Variants in CACNA1C observed in about 807,000 individuals in gnomAD.
CACNA1C encodes voltage-dependent L-type calcium channel subunit alpha-1C.
A neutral mutation model predicts 229.0 loss-of-function variants in CACNA1C; 30 were observed. The observed-to-expected ratio is 0.13, with a 90% CI of 0.10 to 0.18. The LOEUF is 0.18. Ranked by LOEUF, CACNA1C falls within the 10% of genes least tolerant of loss-of-function variation. The pLI, the probability that CACNA1C is intolerant of heterozygous loss-of-function variation, is 1.00. For missense variants in CACNA1C, 1,658 were observed against 2,845.0 expected (o/e 0.58, Z 9.49); for synonymous variants, 1,114 against 1,132.5 (o/e 0.98, Z 0.33).
At chr12:2,238,137 C>T (rs1236731036) in intron 3 of CACNA1C, among the ~76,000 whole-genome samples, 1 of 152,184 alleles carries the variant, frequency 6.6e-6, no homozygotes, top group Non-Finnish European at 1.5e-5. Flanking sequence ...AAGGCTTCTA[C>T]ACAGGAGCCT....
chr12:2,541,233 A>G (rs1022609472), intron 9 of CACNA1C, among the ~76,000 whole-genome samples: 32 of 152,216 alleles, frequency 2.1e-4, no homozygotes, highest in African/African-American at 7.5e-4. Context: ...CCGAGGGGAT[A>G]TAACTCAACT....
At chr12:2,378,320 T>C (rs1348363871) in intron 3 of CACNA1C, among the ~76,000 whole-genome samples, 1 of 152,166 alleles carries the variant, frequency 6.6e-6, no homozygotes, top group Non-Finnish European at 1.5e-5. Flanking sequence ...GGCCTCTGCA[T>C]GTGGATGGGT....
At chr12:2,559,097 T>C (rs1174454914) in intron 11 of CACNA1C, among the ~76,000 whole-genome samples, 2 of 152,144 alleles carry the variant, frequency 1.3e-5, no homozygotes, top group Admixed American at 6.5e-5. Flanking sequence ...AGTAAGACAA[T>C]AGACTTGACA....
chr12:2,481,103 G>A (rs1371772560), intron 5 of CACNA1C, among the ~76,000 whole-genome samples: 2 of 152,194 alleles, frequency 1.3e-5, no homozygotes, highest in African/African-American at 4.8e-5. Context: ...TGCTCATAAA[G>A]GCATTTTCAT....
Position 2,348,546 on chromosome 12 carries a change from G to A in CACNA1C, c.478-100430G>A, listed in dbSNP as rs2097116315. Among the ~76,000 whole-genome samples, 1 of 152,228 alleles carries A rather than the reference G, an allele frequency of 6.6e-6. No individual in the cohort carries two copies. Among genetic ancestry groups the A allele is most frequent in the Non-Finnish European group, 1.5e-5 (1 of 68,046 alleles). ...GGGAATGGGCTCATACGCCGGGTGG[G>A]CAAGGATTTCAAGTCGTCGGCACAA... On this transcript the variant is annotated intron_variant, in intron 3 of 46. Transcript: ENST00000399655. This position sits in a 1 kb window ranked among gnomAD's most constrained non-coding sequence, Gnocchi z 4.7.
chr12:2,416,385 G>A (rs568307278), intron 3 of CACNA1C, among the ~76,000 whole-genome samples: 13 of 152,228 alleles, frequency 8.5e-5, no homozygotes, highest in Non-Finnish European at 1.3e-4. Context: ...AGGGAAGGAA[G>A]GAGGGAGGAA....
Position 2,275,971 on chromosome 12 carries a change from A to G in CACNA1C, c.477+155541A>G, listed in dbSNP as rs551148731. Reference sequence around the variant, plus strand: ...GGACCCCTCTCAGATACAAAACCCAAGGATGCCCATGTCCTTTTATGTATG... The same window carrying G: ...GGACCCCTCTCAGATACAAAACCCAGGGATGCCCATGTCCTTTTATGTATG... On this transcript the variant is annotated intron_variant, in intron 3 of 46. Transcript: ENST00000399655. This position sits in a 1 kb window ranked among gnomAD's most constrained non-coding sequence, Gnocchi z 4.1. Among the ~76,000 whole-genome samples the G allele has an allele frequency of 6.6e-6, 1 of 152,354 alleles. No individual in the cohort carries two copies. Among genetic ancestry groups the G allele is most frequent in the South Asian group, 2.1e-4 (1 of 4,826 alleles).
intron 1 of CACNA1C, among the ~76,000 whole-genome samples, chr12:2,031,106 T>C (rs2048143778): frequency 6.6e-6 from 1 of 152,094 alleles, no homozygotes; most frequent in Non-Finnish European, 1.5e-5. Flanking sequence ...TTGCTGACAA[T>C]AGATTTTGTT....
At chr12:2,478,194 A>G (rs796988237) in intron 5 of CACNA1C, among the ~76,000 whole-genome samples, 70 of 152,270 alleles carry the variant, frequency 4.6e-4, no homozygotes, top group African/African-American at 1.6e-3. Context: ...AGGTGAAGAT[A>G]GTCTCTCCCT....
intron 5 of CACNA1C, among the ~76,000 whole-genome samples, chr12:2,471,551 C>T (rs905393812): frequency 6.6e-6 from 1 of 152,136 alleles, no homozygotes; most frequent in African/African-American, 2.4e-5. Flanking sequence ...CTGAACATGT[C>T]TTTTGCCATC....
At chr12:2,636,521 T>C (rs1302535533) in intron 30 of CACNA1C, among the ~76,000 whole-genome samples, 1 of 152,220 alleles carries the variant, frequency 6.6e-6, no homozygotes, top group African/African-American at 2.4e-5. Flanking sequence ...TGCATTTATC[T>C]GACAACTCTA....
intron 2 of CACNA1C, among the ~76,000 whole-genome samples, chr12:2,116,013 A>G (rs1472828936): frequency 1.3e-5 from 2 of 152,136 alleles, no homozygotes; most frequent in Non-Finnish European, 1.5e-5. Flanking sequence ...GAAGGGGCTC[A>G]GGAGATGGAA....
At chr12:2,102,263 G>A (rs2154104709) in intron 1 of CACNA1C, among the ~76,000 whole-genome samples, 1 of 152,360 alleles carries the variant, frequency 6.6e-6, no homozygotes, top group East Asian at 1.9e-4. Flanking sequence ...GAACTTCCAT[G>A]CAGCCAATGT....
At position 2,572,554 on chromosome 12, in the gene CACNA1C, CCTT is replaced by C. The variant is rs748821749; in HGVS notation, c.1895+4763_1895+4765del. 1.1e-3 allele frequency among the ~76,000 whole-genome samples: 88 copies of C among 78,110 alleles called. 1 individual carries two copies. Among genetic ancestry groups the C allele is most frequent in the African/African-American group, 4.4e-3 (87 of 19,884 alleles). The allele number at this position is 78,110 out of a possible 152,430, so 51.2% of individuals were successfully genotyped here. On this transcript the variant is annotated intron_variant, in intron 13 of 46. Transcript: ENST00000399655. ...CTTCTCTTCCTCCTTCTCCCCTCCT[CCTT>C]CTCCTCTCCTCCTCCTTCTCCTCTC...
intron 1 of CACNA1C, among the ~76,000 whole-genome samples, chr12:2,046,438 A>G (rs1399973548): frequency 6.6e-6 from 1 of 152,080 alleles, no homozygotes; most frequent in Non-Finnish European, 1.5e-5. Context: ...ACACATTCCC[A>G]TTTTGCAGAT....
intron 3 of CACNA1C, among the ~76,000 whole-genome samples, chr12:2,299,212 TG>T (rs2094354635): frequency 6.6e-6 from 1 of 152,158 alleles, no homozygotes; most frequent in Non-Finnish European, 1.5e-5. Flanking sequence ...TATAATGATA[TG>T]GGGTGCCTGG....
chr12:2,248,684 G>C (rs923070206), intron 3 of CACNA1C, among the ~76,000 whole-genome samples: 6 of 152,260 alleles, frequency 3.9e-5, no homozygotes, highest in Admixed American at 2.6e-4. Context: ...GAAGAGAACA[G>C]TGTCTACCTT....
intron 3 of CACNA1C, among the ~76,000 whole-genome samples, chr12:2,190,402 G>C (rs965237097): frequency 6.6e-6 from 1 of 152,162 alleles, no homozygotes; most frequent in South Asian, 2.1e-4. Context: ...TCCATCAGCC[G>C]TTTATCTAGC....
Position 2,346,264 on chromosome 12 carries a change from G to T in CACNA1C, c.478-102712G>T, listed in dbSNP as rs568885302. On this transcript the variant is annotated intron_variant, in intron 3 of 46. Transcript: ENST00000399655. This position sits in a 1 kb window ranked among gnomAD's most constrained non-coding sequence, Gnocchi z 4.4. ...GTGTGTCTCTGTCTGTGCATCTCTC[G>T]TATGTGCCTGTGTCTCTATGTAATG... is the stretch of plus-strand genomic sequence containing the variant. 6.6e-6 allele frequency among the ~76,000 whole-genome samples: 1 copy of T among 151,996 alleles called. No homozygotes were observed. Among genetic ancestry groups the T allele is most frequent in the African/African-American group, 2.4e-5 (1 of 41,380 alleles).
Sources: allele counts gnomAD v4.1 joint callset (sites outside exome capture counted in the v4.1 genomes callset), GRCh38; gene constraint gnomAD v4.1.1; non-coding constraint Gnocchi (gnomAD v3.1); transcripts MANE v1.5; gene names NCBI Gene and HGNC (gene_info 2026-07-23, HGNC 2026-07-21).